The following RAP1GAP2 variants were observed in gnomAD, a reference collection of about 807,000 sequenced individuals.
RAP1GAP2 encodes rap1 GTPase-activating protein 2.
A neutral mutation model predicts 95.0 loss-of-function variants in RAP1GAP2; 27 were observed. That is an observed-to-expected ratio of 0.28 (90% CI 0.21 to 0.39). The LOEUF (loss-of-function observed/expected upper bound fraction) is 0.39, where lower values mean the gene tolerates loss of function less well. Among genes scored for constraint, RAP1GAP2 ranks in the 10% least tolerant of loss-of-function variants. The pLI is 1.00. For missense variants in RAP1GAP2, 771 were observed against 970.0 expected, an observed-to-expected ratio of 0.79 and a Z score of 2.72; for synonymous variants, 373 against 380.9, an observed-to-expected ratio of 0.98 and a Z score of 0.24.
At chr17:2,795,706 G>A (rs762460438), upstream of RAP1GAP2, among the ~76,000 whole-genome samples, 5 of 152,214 alleles carry the variant, frequency 3.3e-5, no homozygotes, top group Non-Finnish European at 5.9e-5. Flanking sequence ...GGGCACATGT[G>A]TATGCGTTCA....
chr17:3,009,902 G>A (rs779631309), intron 17 of RAP1GAP2, among the ~76,000 whole-genome samples: 5 of 152,000 alleles, frequency 3.3e-5, no homozygotes, highest in Non-Finnish European at 7.4e-5. Context: ...ACAGGAAAAC[G>A]GGCTTGGGTC....
At position 2,867,579 on chromosome 17, in the gene RAP1GAP2, C is replaced by T. The variant is rs1449662300; in HGVS notation, c.81-37705C>T. Among the ~76,000 whole-genome samples the T allele has an allele frequency of 1.3e-5, 2 of 152,184 alleles. No individual in the cohort carries two copies. ...CCCTGGACAGAAAGTGAGTCACATA[C>T]GCATCCCTGAACTTTGGCCAGAGGG... is the stretch of plus-strand genomic sequence containing the variant. On this transcript the variant is annotated intron_variant, in intron 2 of 24. Transcript: ENST00000254695. The surrounding 1 kb of genome is among the most constrained non-coding windows in gnomAD (Gnocchi z 4.5).
intron 2 of RAP1GAP2, among the ~76,000 whole-genome samples, chr17:2,894,294 G>A (rs1054138447): frequency 2.6e-5 from 4 of 152,196 alleles, no homozygotes; most frequent in African/African-American, 9.7e-5. Context: ...GCCAGGCATG[G>A]TGGTAGGCAC....
intron 17 of RAP1GAP2, among the ~76,000 whole-genome samples, chr17:3,010,336 C>CAAAA (rs1179623628): frequency 9.5e-3 from 662 of 69,668 alleles, no homozygotes; most frequent in Non-Finnish European, 0.012. Flanking sequence ...GAGACTGTCT[C>CAAAA]AAAAAAAAAA....
intron 2 of RAP1GAP2, among the ~76,000 whole-genome samples, chr17:2,808,617 G>A (rs909904571): frequency 1.3e-5 from 2 of 152,192 alleles, no homozygotes; most frequent in Non-Finnish European, 2.9e-5. Flanking sequence ...GTGAGTTCCA[G>A]GTGAGCACTG....
intron 1 of RAP1GAP2, among the ~76,000 whole-genome samples, chr17:2,758,979 C>T (rs937854928): frequency 2.6e-5 from 4 of 151,904 alleles, no homozygotes; most frequent in Non-Finnish European, 4.4e-5. Flanking sequence ...GGTCCACCAT[C>T]GAGAGCCACC....
In RAP1GAP2 at chr17:2,963,767, C is replaced by T; in HGVS notation, c.280-89C>T. 1 of 1,212,030 alleles carries T rather than the reference C, an allele frequency of 8.3e-7. No homozygotes were observed. The highest frequency in any genetic ancestry group is 1.5e-5 in the South Asian group (1 of 66,042). The allele number at this position is 1,212,030 out of a possible 1,614,324, so 75.1% of individuals were successfully genotyped here. On this transcript the variant is annotated intron_variant, in intron 6 of 24. Transcript: ENST00000254695. The surrounding 1 kb of genome is among the most constrained non-coding windows in gnomAD (Gnocchi z 4.8). Reference sequence around the variant, plus strand: ...GTACCAGTGGGTACCAGGCCCCACTCCTGGGAGCAGCGCAGAGGGGACACC... The same window carrying T: ...GTACCAGTGGGTACCAGGCCCCACTTCTGGGAGCAGCGCAGAGGGGACACC...
chr17:2,841,959 G>T (rs2071388925), intron 2 of RAP1GAP2, among the ~76,000 whole-genome samples: 1 of 152,208 alleles, frequency 6.6e-6, no homozygotes, highest in Non-Finnish European at 1.5e-5. Context: ...GGCAGGCTGT[G>T]GCAGCTGCCT....
At chr17:2,962,942 A>G in intron 5 of RAP1GAP2, 1 of 562,340 alleles carries the variant, frequency 1.8e-6, no homozygotes, top group Non-Finnish European at 3.1e-6. Flanking sequence ...CTGGGGGTGG[A>G]GGCCTCGGTG....
At chr17:3,030,332 G>A (rs1340048377) in intron 22 of RAP1GAP2, among the ~76,000 whole-genome samples, 4 of 151,970 alleles carry the variant, frequency 2.6e-5, no homozygotes, top group African/African-American at 9.7e-5. Flanking sequence ...TTTCTTTTGT[G>A]CTATTCACAA....
chr17:2,949,613 C>T (rs1222949276), intron 3 of RAP1GAP2, among the ~76,000 whole-genome samples: 1 of 151,916 alleles, frequency 6.6e-6, no homozygotes, highest in East Asian at 1.9e-4. Flanking sequence ...TGCTGTATGC[C>T]CTGAGCATTA....
At chr17:2,831,710 C>A (rs1357459027) in intron 2 of RAP1GAP2, among the ~76,000 whole-genome samples, 1 of 151,662 alleles carries the variant, frequency 6.6e-6, no homozygotes, top group Non-Finnish European at 1.5e-5. Flanking sequence ...GGTGGGGGGG[C>A]AGCATGACAA....
chr17:3,026,440 G>T lies in RAP1GAP2; in HGVS notation c.1956G>T (p.Glu652Asp). The T allele has an allele frequency of 6.4e-7, 1 of 1,552,050 alleles. No individual in the cohort carries two copies. The highest frequency in any genetic ancestry group is 2.0e-5 in the Admixed American group (1 of 51,030). Residue 652 changes from glutamate (E) to aspartate (D), a missense_variant, in exon 21 of 25, where the codon GAG (glutamate) becomes GAT (aspartate). Glu to Asp is a conservative substitution (Grantham distance 45, BLOSUM62 2). Coordinates refer to ENST00000254695, the MANE Select transcript of RAP1GAP2 (RefSeq NM_015085.5). ...TCAGCAGCACTGCAGGGGAGGGCGA[G>T]GCCATGGAGGAGGGCGACAGTGGGG... ...SSVSSTAGEG[E>D]AMEEGDSGGS...
intron 8 of RAP1GAP2, 86 bp from the exon 9 acceptor site, chr17:2,980,201 C>G (rs2045304083): frequency 7.4e-7 from 1 of 1,347,722 alleles, no homozygotes; most frequent in African/African-American, 1.4e-5. Context: ...CCTTGGCCTC[C>G]CAAAATGCTG....
intron 2 of RAP1GAP2, among the ~76,000 whole-genome samples, chr17:2,800,981 C>G (rs2069268744): frequency 6.6e-6 from 1 of 150,972 alleles, no homozygotes; most frequent in African/African-American, 2.4e-5. Flanking sequence ...TCCCAAGTAG[C>G]TGGGATTACA....
At chr17:2,898,248 G>C (rs1467786594) in intron 2 of RAP1GAP2, among the ~76,000 whole-genome samples, 1 of 152,120 alleles carries the variant, frequency 6.6e-6, no homozygotes, top group African/African-American at 2.4e-5. Flanking sequence ...GTCTAGAGTT[G>C]GTGCCCCAAA....
intron 2 of RAP1GAP2, among the ~76,000 whole-genome samples, chr17:2,847,430 A>G (rs1313520274): frequency 1.3e-5 from 2 of 152,202 alleles, no homozygotes; most frequent in Non-Finnish European, 2.9e-5. Flanking sequence ...CCAAAGCCCT[A>G]GTCGCCTGGA....
intron 2 of RAP1GAP2, among the ~76,000 whole-genome samples, chr17:2,845,492 T>C (rs1359431515): frequency 1.3e-5 from 2 of 152,224 alleles, no homozygotes; most frequent in African/African-American, 4.8e-5. Context: ...ATATAGAACA[T>C]TTCTGTCTGT....
At position 2,963,756 on chromosome 17, in the gene RAP1GAP2, C is replaced by T; in HGVS notation, c.280-100C>T. ...TTTGGCCTCAAGTACCAGTGGGTAC[C>T]AGGCCCCACTCCTGGGAGCAGCGCA... On this transcript the variant is annotated intron_variant, in intron 6 of 24. Coordinates refer to ENST00000254695, the MANE Select transcript of RAP1GAP2 (RefSeq NM_015085.5). This position sits in a 1 kb window ranked among gnomAD's most constrained non-coding sequence, Gnocchi z 4.8. 1 of 1,087,324 alleles carries T rather than the reference C, an allele frequency of 9.2e-7. No homozygotes were observed. The highest frequency in any genetic ancestry group is 1.3e-6 in the Non-Finnish European group (1 of 763,694). 67.4% of individuals were successfully genotyped at this position (1,087,324 alleles called of 1,614,324 possible).
Sources: allele counts gnomAD v4.1 joint callset (sites outside exome capture counted in the v4.1 genomes callset), GRCh38; gene constraint gnomAD v4.1.1; non-coding constraint Gnocchi (gnomAD v3.1); transcripts MANE v1.5; gene names NCBI Gene and HGNC (gene_info 2026-07-23, HGNC 2026-07-21).